The following DIPK2B variants were observed in gnomAD, a reference collection of about 807,000 sequenced individuals.
DIPK2B encodes the protein divergent protein kinase domain 2B, also known as UPF0672 protein CXorf36.
A neutral mutation model predicts 22.2 loss-of-function variants in DIPK2B; 15 were observed. The ratio of observed to expected loss-of-function variants is 0.68; its 90% CI spans 0.45 to 1.04. The LOEUF (loss-of-function observed/expected upper bound fraction) is 1.04. Ranked by LOEUF, DIPK2B falls within the 50% of genes least tolerant of loss-of-function variation. The pLI is 0.00. For synonymous variants in DIPK2B, 163 were observed against 153.2 expected (o/e 1.06, Z -0.47); for missense variants, 345 against 348.3 (o/e 0.99, Z 0.08).
chrX:45,161,446 G>A (rs139290343), intron 2 of DIPK2B, among the ~76,000 whole-genome samples: 2,518 of 112,217 alleles, frequency 0.022, 48 homozygotes, highest in Non-Finnish European at 0.036. Flanking sequence ...GGAGGCTGAG[G>A]TAGGAGGATC....
intron 2 of DIPK2B, among the ~76,000 whole-genome samples, chrX:45,175,504 T>C (rs4457456): frequency 0.047 from 5,102 of 108,075 alleles, 303 homozygotes; most frequent in African/African-American, 0.16. Flanking sequence ...GTGTTAACAG[T>C]GGTTGCCTCT....
chrX:45,172,654 G>A (rs1342522100), intron 2 of DIPK2B, among the ~76,000 whole-genome samples: 1 of 111,883 alleles, frequency 8.9e-6, no homozygotes, highest in East Asian at 2.8e-4. Context: ...CACTGTGGCA[G>A]ATGAAATAAT....
chrX:45,178,850 G>A (rs1231426209), intron 2 of DIPK2B, among the ~76,000 whole-genome samples: 1 of 111,709 alleles, frequency 9.0e-6, no homozygotes, highest in African/African-American at 3.3e-5. Flanking sequence ...TGGTGCTGGA[G>A]AGATGAAAGC....
rs1232898063 is a variant in DIPK2B, at chrX:45,153,521, T to TGTGA, written c.961+388_961+389insTCAC. Among the ~76,000 whole-genome samples, 781 of 96,666 alleles carry TGTGA rather than the reference T, an allele frequency of 8.1e-3. 11 individuals are homozygous for TGTGA. The highest frequency in any genetic ancestry group is 0.028 in the African/African-American group (693 of 24,406). 83.9% of individuals were successfully genotyped at this position (96,666 alleles called of 115,157 possible). Reference sequence around the variant, plus strand: ...GTGTGTGTGTGTGTGTGTGTGTGTGTGACAGAGAGAGAGGAGAGAGAGAGA... The same window carrying TGTGA: ...GTGTGTGTGTGTGTGTGTGTGTGTGTGTGAGACAGAGAGAGAGGAGAGAGAGAGA... On this transcript the variant is annotated intron_variant, in intron 4 of 4. Coordinates refer to ENST00000398000, the MANE Select transcript of DIPK2B (RefSeq NM_176819.4).
chrX:45,187,841 G>A (rs2047192039), intron 2 of DIPK2B, among the ~76,000 whole-genome samples: 1 of 110,649 alleles, frequency 9.0e-6, no homozygotes, highest in Admixed American at 9.7e-5. Flanking sequence ...TCTGAAAAGA[G>A]CCCGTGAGCT....
chrX:45,164,068 G>A, intron 2 of DIPK2B: 1 of 1,019,962 alleles, frequency 9.8e-7, no homozygotes, highest in Non-Finnish European at 1.3e-6. Context: ...AGCTGCATGT[G>A]AAGGTTTGAT....
intron 2 of DIPK2B, among the ~76,000 whole-genome samples, chrX:45,177,889 A>G (rs2148343917): frequency 9.0e-6 from 1 of 111,611 alleles, no homozygotes; most frequent in African/African-American, 3.3e-5. Context: ...GTGAATAGTG[A>G]ATGATGTCAT....
chrX:45,172,583 C>T (rs1021798400), intron 2 of DIPK2B, among the ~76,000 whole-genome samples: 1 of 111,377 alleles, frequency 9.0e-6, no homozygotes, highest in Admixed American at 9.5e-5. Context: ...CACCATCTTC[C>T]TCCATTCCAG....
At position 45,200,734 on chromosome X, in the gene DIPK2B, G is replaced by A. The variant is rs1393705369; in HGVS notation, c.93C>T (p.Ser31=). Residue 31 remains serine (S), a synonymous_variant, in exon 1 of 5, where the codon TCC becomes TCT. Coordinates refer to ENST00000398000, the MANE Select transcript of DIPK2B (RefSeq NM_176819.4). ...LWVSALSCSF[S]LPASSLSSLV... ...GAGAAGAAAGGGAAGAAGCTGGCAA[G>A]GAGAAAGAACAGCTCAGGGCTGAGA... 1.7e-6 allele frequency: 2 copies of A among 1,212,078 alleles called. No homozygotes were observed. Among genetic ancestry groups the A allele is most frequent in the Middle Eastern group, 2.3e-4 (1 of 4,345 alleles).
chrX:45,154,340 C>T (rs1173738964), intron 3 of DIPK2B, 142 bp from the exon 4 acceptor site: 9 of 537,391 alleles, frequency 1.7e-5, no homozygotes, highest in Middle Eastern at 1.1e-3. Context: ...TATCAATCAT[C>T]TATATCTATC....
chrX:45,167,934 C>T (rs1190278709), intron 2 of DIPK2B, among the ~76,000 whole-genome samples: 2 of 112,782 alleles, frequency 1.8e-5, no homozygotes, highest in East Asian at 5.6e-4. Context: ...ATCCGCCTGC[C>T]TTGGCCTCCC....
At position 45,149,942 on chromosome X, in the gene DIPK2B, C is replaced by T. The variant is rs1270211992; in HGVS notation, c.*1710G>A. The T allele has an allele frequency of 2.7e-5, 3 of 112,390 alleles. No homozygotes were observed. The highest frequency in any genetic ancestry group is 6.5e-5 in the African/African-American group (2 of 30,865). 9.3% of individuals were successfully genotyped at this position (112,390 alleles called of 1,213,427 possible). A position where few individuals can be genotyped will look rare whatever the true frequency, so the allele number is the denominator to read the frequency against. The stretch of plus-strand genomic sequence containing the variant: ...TGTCATCCAGGCTGGAGTACAGTGG[C>T]GTGATCTTGGCTGACTGCAAACTCT... On this transcript the variant is annotated 3_prime_UTR_variant, in exon 5 of 5. Transcript: ENST00000398000.
chrX:45,156,053 A>C (rs1217508637), intron 3 of DIPK2B, among the ~76,000 whole-genome samples: 2 of 87,952 alleles, frequency 2.3e-5, no homozygotes, highest in Non-Finnish European at 4.2e-5. Context: ...TGCAACCTCC[A>C]CCTCCCGGGT....
At chrX:45,179,119 G>T (rs943521856) in intron 2 of DIPK2B, among the ~76,000 whole-genome samples, 1 of 111,195 alleles carries the variant, frequency 9.0e-6, no homozygotes, top group Non-Finnish European at 1.9e-5. Context: ...TGTCACAACT[G>T]GGGGGTTGTG....
chrX:45,169,577 G>A (rs534357482), intron 2 of DIPK2B, among the ~76,000 whole-genome samples: 2 of 111,686 alleles, frequency 1.8e-5, no homozygotes, highest in African/African-American at 6.5e-5. Flanking sequence ...CTCAGGTGGG[G>A]ACGATGGTAT....
At chrX:45,192,942 C>T (rs1034939146) in intron 1 of DIPK2B, among the ~76,000 whole-genome samples, 1 of 112,124 alleles carries the variant, frequency 8.9e-6, no homozygotes, top group African/African-American at 3.2e-5. Flanking sequence ...CCACGCCCAG[C>T]TAATTTTTGT....
At chrX:45,193,319 T>C (rs920208674) in intron 1 of DIPK2B, among the ~76,000 whole-genome samples, 1 of 112,450 alleles carries the variant, frequency 8.9e-6, no homozygotes, top group Non-Finnish European at 1.9e-5. Context: ...TAAATAAGAA[T>C]ATTTAAATTC....
At chrX:45,162,450 A>G (rs1395716873) in intron 2 of DIPK2B, 9 of 752,445 alleles carry the variant, frequency 1.2e-5, no homozygotes, top group Non-Finnish European at 1.4e-5. Context: ...TCCCTTTATG[A>G]TGGAGGCAGC....
chrX:45,152,400 A>G (rs1603092445), intron 4 of DIPK2B, among the ~76,000 whole-genome samples: 1 of 110,154 alleles, frequency 9.1e-6, no homozygotes, highest in East Asian at 2.9e-4. Context: ...GTCTCCTAGC[A>G]TTTCCCTGTC....
Sources: allele counts gnomAD v4.1 joint callset (sites outside exome capture counted in the v4.1 genomes callset), GRCh38; gene constraint gnomAD v4.1.1; transcripts MANE v1.5; gene names NCBI Gene and HGNC (gene_info 2026-07-23, HGNC 2026-07-21).